ARL8B: variants seen among roughly 807,000 people sequenced by gnomAD.
ARL8B encodes ADP-ribosylation factor-like protein 8B.
In ARL8B, 9 loss-of-function variants were observed where a neutral mutation model predicts 30.6. The observed-to-expected ratio is 0.29, with a 90% confidence interval of 0.18 to 0.51. ARL8B has a LOEUF of 0.51. Among genes scored for constraint, ARL8B ranks in the 20% least tolerant of loss-of-function variants. The pLI is 0.97. For missense variants in ARL8B, 130 were observed against 227.2 expected, an observed-to-expected ratio of 0.57 and a Z score of 2.75; for synonymous variants, 74 against 76.0, an observed-to-expected ratio of 0.97 and a Z score of 0.14.
intron 4 of ARL8B, among the ~76,000 whole-genome samples, chr3:5,173,687 C>A (rs1286997415): frequency 6.6e-6 from 1 of 151,986 alleles, no homozygotes; most frequent in Admixed American, 6.6e-5. Context: ...TGCACTCCAG[C>A]CTGGGTGACA....
chr3:5,155,966 G>A lies in ARL8B; in HGVS notation c.124-14537G>A, dbSNP rs1198167037. Among the ~76,000 whole-genome samples the A allele has an allele frequency of 4.0e-5, 6 of 151,660 alleles. 1 individual carries two copies. In the South Asian group the frequency reaches 6.3e-4, roughly 16 times the overall value. On this transcript the variant is annotated intron_variant, in intron 1 of 6. Coordinates refer to ENST00000256496, the MANE Select transcript of ARL8B (RefSeq NM_018184.3). ...CACCTAGGCTGGAGTGCAGTGGCGC[G>A]ATCTCAGCTCACGGCAACCTCCGCC...
intron 1 of ARL8B, among the ~76,000 whole-genome samples, chr3:5,152,594 C>A (rs1187645440): frequency 6.6e-6 from 1 of 152,258 alleles, no homozygotes; most frequent in African/African-American, 2.4e-5. Flanking sequence ...AAACAATCCT[C>A]CCACCTCAGC....
intron 1 of ARL8B, among the ~76,000 whole-genome samples, chr3:5,132,588 AT>A (rs2054292834): frequency 1.3e-5 from 2 of 152,168 alleles, no homozygotes; most frequent in Admixed American, 6.5e-5. Context: ...CTTGTTTCTA[AT>A]AGTCTGTCCC....
At chr3:5,160,069 A>G (rs2106566247) in intron 1 of ARL8B, among the ~76,000 whole-genome samples, 1 of 152,346 alleles carries the variant, frequency 6.6e-6, no homozygotes, top group African/African-American at 2.4e-5. Context: ...TGTGAACGGT[A>G]ATCATCTTTT....
intron 1 of ARL8B, among the ~76,000 whole-genome samples, chr3:5,140,476 A>G (rs147163838): frequency 8.6e-5 from 13 of 151,950 alleles, no homozygotes; most frequent in South Asian, 4.2e-4. Flanking sequence ...CTGTGAGTCA[A>G]TTAAACCTCT....
At chr3:5,126,436 A>G (rs1054817323) in intron 1 of ARL8B, among the ~76,000 whole-genome samples, 2 of 152,316 alleles carry the variant, frequency 1.3e-5, no homozygotes, top group Admixed American at 6.5e-5. Flanking sequence ...GCTGAAGCCA[A>G]TTTTCTTTTT....
chr3:5,154,425 T>G (rs775705076), intron 1 of ARL8B, among the ~76,000 whole-genome samples: 7 of 149,900 alleles, frequency 4.7e-5, no homozygotes, highest in Non-Finnish European at 1.0e-4. Flanking sequence ...ACCTCTGCCT[T>G]CCAGGTTCAA....
chr3:5,157,439 G>A (rs1418219071), intron 1 of ARL8B, among the ~76,000 whole-genome samples: 3 of 152,046 alleles, frequency 2.0e-5, no homozygotes, highest in Non-Finnish European at 4.4e-5. Flanking sequence ...AGTTGAATCT[G>A]TCTCAGGGGC....
At chr3:5,171,914 T>A (rs906402864) in intron 2 of ARL8B, among the ~76,000 whole-genome samples, 7 of 152,234 alleles carry the variant, frequency 4.6e-5, no homozygotes, top group African/African-American at 1.7e-4. Flanking sequence ...AAATCTTTGC[T>A]TAAGCAAAAT....
At chr3:5,163,198 G>A (rs1422033616) in intron 1 of ARL8B, among the ~76,000 whole-genome samples, 1 of 151,872 alleles carries the variant, frequency 6.6e-6, no homozygotes, top group Non-Finnish European at 1.5e-5. Flanking sequence ...TGTTGGCCAG[G>A]CTGGTCTCGA....
At chr3:5,127,399 A>G (rs1198781431) in intron 1 of ARL8B, among the ~76,000 whole-genome samples, 2 of 152,188 alleles carry the variant, frequency 1.3e-5, no homozygotes, top group Admixed American at 1.3e-4. Context: ...TTTGTATCGT[A>G]TATGAAATGT....
chr3:5,169,114 C>A (rs1333882865), intron 1 of ARL8B, among the ~76,000 whole-genome samples: 1 of 152,004 alleles, frequency 6.6e-6, no homozygotes, highest in African/African-American at 2.4e-5. Flanking sequence ...CACAAAGTAT[C>A]ATCTTAGTCA....
chr3:5,129,709 G>C (rs1486047602), intron 1 of ARL8B, among the ~76,000 whole-genome samples: 1 of 152,014 alleles, frequency 6.6e-6, no homozygotes, highest in Non-Finnish European at 1.5e-5. Flanking sequence ...ACTACGCCTG[G>C]CTAATTTTTT....
intron 1 of ARL8B, among the ~76,000 whole-genome samples, chr3:5,144,743 G>A (rs1171011816): frequency 2.0e-5 from 3 of 152,212 alleles, no homozygotes; most frequent in African/African-American, 7.2e-5. Context: ...GTTTCCTACA[G>A]CTTCTATAGT....
chr3:5,173,532 C>T (rs998717132), intron 4 of ARL8B, among the ~76,000 whole-genome samples: 1 of 152,092 alleles, frequency 6.6e-6, no homozygotes, highest in Non-Finnish European at 1.5e-5. Flanking sequence ...GTCAGGAGAT[C>T]GAGACCATCC....
intron 1 of ARL8B, among the ~76,000 whole-genome samples, chr3:5,139,043 A>G (rs1347802584): frequency 6.6e-6 from 1 of 152,194 alleles, no homozygotes; most frequent in Non-Finnish European, 1.5e-5. Context: ...GATTCCATAC[A>G]CTGTAGTTTA....
rs77398799 is a variant in ARL8B, at chr3:5,139,718, C to T, written c.123+17130C>T. ...CAGAATATTGTAGAGTGCTTGTCAT[C>T]AGCTGTATTTCTTCATGGCCCAGAA... On this transcript the variant is annotated intron_variant, in intron 1 of 6. Coordinates refer to ENST00000256496, the MANE Select transcript of ARL8B (RefSeq NM_018184.3). 9.0e-3 allele frequency among the ~76,000 whole-genome samples: 1,365 copies of T among 152,236 alleles called. 17 individuals carry two copies. The highest frequency in any genetic ancestry group is 0.031 in the African/African-American group (1,281 of 41,516).
At position 5,172,842 on chromosome 3, in the gene ARL8B, CTTCA is replaced by C. The variant is rs995837208; in HGVS notation, c.372+105_372+108del. ...ATTATGTTTGAAATCAGTAACATGT[CTTCA>C]TTTTTAAAATCTGGAAAACTTGCTT... On this transcript the variant is annotated intron_variant, in intron 4 of 6. Transcript: ENST00000256496. 5 of 797,802 alleles carry C rather than the reference CTTCA, an allele frequency of 6.3e-6. No individual in the cohort carries two copies. In the African/African-American group the frequency reaches 8.8e-5, roughly 14 times the overall value. The allele number at this position is 797,802 out of a possible 1,614,324, so 49.4% of individuals were successfully genotyped here.
chr3:5,164,724 G>A (rs1180944625), intron 1 of ARL8B, among the ~76,000 whole-genome samples: 2 of 152,054 alleles, frequency 1.3e-5, no homozygotes, highest in Non-Finnish European at 1.5e-5. Context: ...TTTGTCAGTT[G>A]ACCCAATAAT....
Sources: gnomAD v4.1 joint callset for allele counts (sites outside exome capture counted in the v4.1 genomes callset) on GRCh38, gnomAD v4.1.1 for gene constraint, MANE v1.5 for transcripts, NCBI Gene and HGNC (gene_info 2026-07-23, HGNC 2026-07-21) for gene names.